The following MGAM variants were observed in gnomAD, a reference collection of about 807,000 sequenced individuals.
The protein encoded by MGAM is alpha-1,4-glucosidase.
In MGAM, 253 loss-of-function variants were observed where a neutral mutation model predicts 358.8. The observed-to-expected ratio is 0.71, with a 90% CI of 0.64 to 0.78. MGAM has a LOEUF of 0.78. Ranked by LOEUF, MGAM falls within the 30% of genes least tolerant of loss-of-function variation. MGAM has a pLI of 0.00. For missense variants in MGAM, 3,080 were observed against 3,432.6 expected (o/e 0.90, Z 2.57); for synonymous variants, 1,105 against 1,227.1 (o/e 0.90, Z 2.08).
chr7:142,046,783 C>T (rs964400261), intron 21 of MGAM, among the ~76,000 whole-genome samples: 8 of 152,062 alleles, frequency 5.3e-5, no homozygotes, highest in African/African-American at 1.9e-4. Context: ...ATCCGGTCCA[C>T]CATATTTCTG....
At chr7:142,102,140 T>A (rs1401975008) in intron 68 of MGAM, among the ~76,000 whole-genome samples, 1 of 152,156 alleles carries the variant, frequency 6.6e-6, no homozygotes, top group Non-Finnish European at 1.5e-5. Flanking sequence ...TCATCTTTGT[T>A]CTCTGGAGAT....
chr7:142,091,969 G>A lies in MGAM; in HGVS notation c.6867G>A (p.Trp2289Ter). Residue 2289 changes from tryptophan to a stop codon, truncating the protein, a stop_gained, in exon 58 of 71, where the codon TGG (tryptophan) becomes TGA (stop). Coordinates refer to ENST00000475668, the MANE Select transcript of MGAM (RefSeq NM_001365693.1). LOFTEE classifies it high-confidence loss of function. ...TTTTCCGTAATTCAACTGCCAAGTGGTGGAAGAGGGAAATAGAAGAACTAT... is the reference window on the plus strand; with the variant it reads ...TTTTCCGTAATTCAACTGCCAAGTGATGGAAGAGGGAAATAGAAGAACTAT... ...PDFFRNSTAKWWKREIEELYN... is the reference protein window; with the variant it reads ...PDFFRNSTAK 1.3e-6 allele frequency: 2 copies of A among 1,538,626 alleles called. No individual in the cohort carries two copies. Among genetic ancestry groups the A allele is most frequent in the African/African-American group, 1.3e-5 (1 of 74,466 alleles).
Position 142,022,370 on chromosome 7 carries a change from C to T in MGAM, c.813C>T (p.His271=). The T allele has an allele frequency of 6.2e-7, 1 of 1,613,740 alleles. No individual in the cohort carries two copies. Among genetic ancestry groups the T allele is most frequent in the Non-Finnish European group, 8.5e-7 (1 of 1,179,730 alleles). Residue 271 remains histidine, a synonymous_variant, in exon 7 of 71, where the codon CAC becomes CAT. Transcript: ENST00000475668. ...TGTATGGCCTGGGAGAGCATGTGCACCAGCAGTATCGGCATGATATGAATT... is the reference window on the plus strand; with the variant it reads ...TGTATGGCCTGGGAGAGCATGTGCATCAGCAGTATCGGCATGATATGAATT... ...TNVYGLGEHV[H]QQYRHDMNWK...
chr7:142,035,324 T>G (rs1554465430), intron 16 of MGAM, among the ~76,000 whole-genome samples: 1 of 152,174 alleles, frequency 6.6e-6, no homozygotes, highest in East Asian at 1.9e-4. Context: ...ATAGTAAAGA[T>G]GTACCTTCTC....
At chr7:142,020,566 A>G (rs1554458204) in intron 4 of MGAM, among the ~76,000 whole-genome samples, 1 of 149,700 alleles carries the variant, frequency 6.7e-6, no homozygotes, top group African/African-American at 2.5e-5. Context: ...TTTTTCATCA[A>G]TCCCTTTGAC....
chr7:142,038,540 G>A lies in MGAM; in HGVS notation c.2241G>A (p.Glu747=). 5.0e-6 allele frequency: 8 copies of A among 1,609,284 alleles called. No individual in the cohort carries two copies. The South Asian group carries it at 8.9e-5, about 18-fold the overall frequency. The change falls in exon 19 of 71, where the codon GAG becomes GAA. Residue 747 remains glutamate, a synonymous_variant. Coordinates refer to ENST00000475668, the MANE Select transcript of MGAM (RefSeq NM_001365693.1). ...VARPLLHEFY[E]DNSTWDVHQQ... is the part of the protein sequence containing the mutation. ...TCTCTCTGGTTTTCAGGTTCTACGA[G>A]GACAACAGCACTTGGGATGTGCACC...
intron 21 of MGAM, among the ~76,000 whole-genome samples, chr7:142,042,025 AT>A (rs1808809719): frequency 1.3e-4 from 3 of 22,484 alleles, no homozygotes; most frequent in African/African-American, 9.8e-4. Flanking sequence ...ATATATATAT[AT>A]TATATTATAT....
chr7:142,050,858 C>A lies in MGAM; in HGVS notation c.2799C>A (p.Asn933Lys), dbSNP rs1810883820. The change falls in exon 24 of 71, where the codon AAC (asparagine) becomes AAA (lysine). Residue 933 changes from asparagine (N) to lysine (K), a missense_variant. Transcript: ENST00000475668. The stretch of plus-strand genomic sequence containing the variant: ...CTCCTACAGTCACTTATGATTCTAA[C>A]CTGAAGGTAAAAACCCATTTTGTTG... ...QTSPTVTYDS[N>K]LKVAIITDID... 1 of 1,613,472 alleles carries A rather than the reference C, an allele frequency of 6.2e-7. No homozygotes were observed. Among genetic ancestry groups the A allele is most frequent in the Non-Finnish European group, 8.5e-7 (1 of 1,179,618 alleles).
rs112347985 is a variant in MGAM at position 142,082,695 on chromosome 7, AT to A, written c.6268+130del. The A allele has an allele frequency of 1.6e-3, 1,304 of 795,442 alleles. 65 individuals carry two copies. In the African/African-American group the frequency reaches 0.017, roughly 11 times the overall value. The allele number at this position is 795,442 out of a possible 1,614,324, so 49.3% of individuals were successfully genotyped here. A position where few individuals can be genotyped will look rare whatever the true frequency, so the allele number is the denominator to read the frequency against. ...CTTCATTTTACGGGCACTGCTGTTT[AT>A]TTTTTCTTTGTGTTTAGCCTTTCTG... On this transcript the variant is annotated intron_variant, in intron 52 of 70. Coordinates refer to ENST00000475668, the MANE Select transcript of MGAM (RefSeq NM_001365693.1).
intron 65 of MGAM, among the ~76,000 whole-genome samples, chr7:142,097,169 C>T (rs1413813359): frequency 6.6e-6 from 1 of 152,036 alleles, no homozygotes. Flanking sequence ...GATCTCCTGA[C>T]CTCATGATCC....
In MGAM at chr7:142,083,378, C is replaced by T. The variant is rs187922517; in HGVS notation, c.6346C>T (p.Pro2116Ser). 6.4e-7 allele frequency: 1 copy of T among 1,552,944 alleles called. No homozygotes were observed. The highest frequency in any genetic ancestry group is 2.3e-5 in the East Asian group (1 of 43,882). The change falls in exon 53 of 71, where the codon CCA becomes TCA. Residue 2116 changes from proline to serine, a missense_variant. By Grantham distance (74) the Pro-to-Ser change is moderately conservative (BLOSUM62 -1). Coordinates refer to ENST00000475668, the MANE Select transcript of MGAM (RefSeq NM_001365693.1). ...GVLDFYVFLG[P>S]TPELVTQQYT... ...TCTGGACTTTTATGTGTTCTTGGGG[C>T]CAACTCCAGAGCTTGTCACCCAGCA...
intron 34 of MGAM, 60 bp from the exon 35 acceptor site, chr7:142,062,508 T>C: frequency 6.5e-7 from 1 of 1,530,492 alleles, no homozygotes; most frequent in Non-Finnish European, 8.8e-7. Flanking sequence ...TCTCAGTAAG[T>C]GCCTGTTTGC....
intron 50 of MGAM, among the ~76,000 whole-genome samples, chr7:142,081,598 T>C (rs151089448): frequency 6.9e-6 from 1 of 145,876 alleles, no homozygotes; most frequent in East Asian, 2.0e-4. Context: ...CAACGCCGGT[T>C]GAGGGGGCAG....
In MGAM at chr7:142,064,458, T is replaced by C. The variant is rs751562541; in HGVS notation, c.4420T>C (p.Ser1474Pro). ...MESQQILPDG[S>P]LVQHYNVHNL... ...GAGTCAGCAGATCCTCCCAGACGGC[T>C]CCCTGGTGCAGCACTACAACGTGCA... The change falls in exon 37 of 71, where the codon TCC (serine) becomes CCC (proline). Residue 1474 changes from serine (S) to proline (P), a missense_variant. By Grantham distance (74) the Ser-to-Pro change is moderately conservative. This residue lies in a region of MGAM where 1,816 missense variants were observed against 1,840.5 expected (regional missense o/e 0.99). Coordinates refer to ENST00000475668, the MANE Select transcript of MGAM (RefSeq NM_001365693.1). The C allele has an allele frequency of 2.5e-6, 4 of 1,597,436 alleles. No individual in the cohort carries two copies. The highest frequency in any genetic ancestry group is 2.3e-5 in the East Asian group (1 of 44,154).
At chr7:142,060,006 GGGTGGGTCACTGTT>G (rs71166555) in intron 33 of MGAM, 40 bp downstream of exon 33, 538,333 of 1,525,064 alleles carry the variant, frequency 0.35, 101,234 homozygotes, top group Non-Finnish European at 0.38. Context: ...CCCAGCCTGA[GGGTGGGTCACTGTT>G]GGTGGGTCAC....
At chr7:142,027,254 C>A in intron 9 of MGAM, 27 bp downstream of exon 9, 1 of 1,518,642 alleles carries the variant, frequency 6.6e-7, no homozygotes, top group Non-Finnish European at 9.1e-7. Flanking sequence ...AAGATTATGA[C>A]TCAGGAAATC....
chr7:142,092,106 T>G (rs1242906309), intron 58 of MGAM, 59 bp downstream of exon 58: 2 of 1,520,872 alleles, frequency 1.3e-6, no homozygotes, highest in African/African-American at 2.7e-5. Context: ...TGTGCCTACG[T>G]GTATGTACCA....
At chr7:142,070,556 G>A (rs906113996) in intron 43 of MGAM, among the ~76,000 whole-genome samples, 45 of 146,012 alleles carry the variant, frequency 3.1e-4, no homozygotes, top group African/African-American at 1.1e-3. Flanking sequence ...GGGTGAGGAG[G>A]CTATGCGGCT....
rs1554453387 is a variant in MGAM, at chr7:142,008,703, A to C, written c.325A>C (p.Lys109Gln). Residue 109 changes from lysine to glutamine, a missense_variant and splice_region_variant, in exon 3 of 71, where the codon AAG (lysine) becomes CAG (glutamine). By Grantham distance (53) the Lys-to-Gln change is moderately conservative. Coordinates refer to ENST00000475668, the MANE Select transcript of MGAM (RefSeq NM_001365693.1). ...INCIPDQPPTKATCDQRGCCW... is the reference protein window; with the variant it reads ...INCIPDQPPTQATCDQRGCCW... Reference sequence around the variant, plus strand: ...TTGCATCCCTGACCAGCCGCCAACAAAGGTTTGAGTTATGAATTTTGTTTC... The same window carrying C: ...TTGCATCCCTGACCAGCCGCCAACACAGGTTTGAGTTATGAATTTTGTTTC... 3 of 1,611,884 alleles carry C rather than the reference A, an allele frequency of 1.9e-6. No individual in the cohort carries two copies. The highest frequency in any genetic ancestry group is 2.5e-6 in the Non-Finnish European group (3 of 1,178,840).
Sources: gnomAD v4.1 joint callset for allele counts (sites outside exome capture counted in the v4.1 genomes callset) on GRCh38, gnomAD v4.1.1 for gene constraint, gnomAD v4.1.1 regional missense constraint, MANE v1.5 for transcripts, NCBI Gene and HGNC (gene_info 2026-07-23, HGNC 2026-07-21) for gene names.